SS18: variants seen among roughly 807,000 people sequenced by gnomAD.
The protein encoded by SS18 is SS18 subunit of BAF chromatin remodeling complex, also known as protein SSXT.
Under a neutral mutation model 72.5 loss-of-function variants are expected in SS18, and 28 were observed. The ratio of observed to expected loss-of-function variants is 0.39; its 90% CI spans 0.29 to 0.53. The LOEUF is 0.53. SS18 is among the 20% of genes least tolerant of loss of function. The pLI, the probability that SS18 is intolerant of heterozygous loss-of-function variation, is 0.76. For missense variants in SS18, 518 were observed against 535.3 expected (o/e 0.97, Z 0.32); for synonymous variants, 172 against 164.2 (o/e 1.05, Z -0.37).
chr18:26,090,715 A>C, upstream of SS18: 2 of 814,286 alleles, frequency 2.5e-6, no homozygotes, highest in South Asian at 1.7e-5. Flanking sequence ...GCGGCGGGGC[A>C]GGCCTGAAGG....
At chr18:26,063,981 G>A (rs937578659) in intron 3 of SS18, among the ~76,000 whole-genome samples, 1 of 151,988 alleles carries the variant, frequency 6.6e-6, no homozygotes, top group Non-Finnish European at 1.5e-5. Context: ...GGAAAATAAG[G>A]GGATATTAAT....
At chr18:26,083,224 T>C (rs1471030121) in intron 2 of SS18, among the ~76,000 whole-genome samples, 6 of 152,050 alleles carry the variant, frequency 3.9e-5, no homozygotes, top group Admixed American at 3.9e-4. Flanking sequence ...GAAAATGAGA[T>C]CTAATCCAAT....
chr18:26,051,378 T>A (rs562495746), intron 5 of SS18, among the ~76,000 whole-genome samples: 1 of 152,368 alleles, frequency 6.6e-6, no homozygotes, highest in South Asian at 2.1e-4. Flanking sequence ...AAAAAGTCAA[T>A]ATGCACATTG....
At chr18:26,031,840 T>C (rs1159737901) in intron 10 of SS18, among the ~76,000 whole-genome samples, 1 of 152,092 alleles carries the variant, frequency 6.6e-6, no homozygotes, top group Non-Finnish European at 1.5e-5. Context: ...GAAGGAAGTG[T>C]AGTGGATATG....
intron 1 of SS18, among the ~76,000 whole-genome samples, chr18:26,088,181 C>A (rs2054649795): frequency 6.6e-6 from 1 of 152,158 alleles, no homozygotes; most frequent in Non-Finnish European, 1.5e-5. Context: ...AATCTGAATT[C>A]TTTTATATCA....
intron 2 of SS18, among the ~76,000 whole-genome samples, chr18:26,080,118 T>C (rs948673246): frequency 6.6e-6 from 1 of 152,184 alleles, no homozygotes; most frequent in South Asian, 2.1e-4. Context: ...GTAATAATTA[T>C]ATTGTACTAA....
Position 26,090,591 on chromosome 18 carries a change from G to C in SS18, c.-22C>G, listed in dbSNP as rs371904036. On this transcript the variant is annotated 5_prime_UTR_variant, in exon 1 of 11. Transcript: ENST00000415083. The stretch of plus-strand genomic sequence containing the variant: ...ACATGTTGCCGCCGTCACCACTATC[G>C]GCAAGTCCCGAGCGCTCCGGGTGAA... 2.2e-5 allele frequency: 34 copies of C among 1,564,246 alleles called. No individual in the cohort carries two copies. The highest frequency in any genetic ancestry group is 2.6e-5 in the Non-Finnish European group (30 of 1,155,180).
intron 7 of SS18, among the ~76,000 whole-genome samples, chr18:26,036,404 T>A (rs764154684): frequency 1.3e-5 from 2 of 152,210 alleles, no homozygotes; most frequent in Non-Finnish European, 2.9e-5. Flanking sequence ...ATTTTCAAGT[T>A]CTAACATTTA....
chr18:26,064,035 A>G (rs2054171127), intron 3 of SS18, among the ~76,000 whole-genome samples: 1 of 152,118 alleles, frequency 6.6e-6, no homozygotes, highest in Non-Finnish European at 1.5e-5. Context: ...CAACTTTATG[A>G]TAATGTATTT....
chr18:26,022,109 T>G (rs1240797163), intron 10 of SS18, among the ~76,000 whole-genome samples: 1 of 152,168 alleles, frequency 6.6e-6, no homozygotes, highest in Non-Finnish European at 1.5e-5. Context: ...ATCTTAACAT[T>G]ATTCCTTCAC....
At chr18:26,051,371 A>G (rs72878228) in intron 5 of SS18, among the ~76,000 whole-genome samples, 13,156 of 152,248 alleles carry the variant, frequency 0.086, 678 homozygotes, top group Middle Eastern at 0.17. Context: ...TTTCTCCAAA[A>G]AGTCAATATG....
intron 10 of SS18, among the ~76,000 whole-genome samples, chr18:26,018,883 C>G (rs1272742746): frequency 6.6e-6 from 1 of 152,032 alleles, no homozygotes; most frequent in Non-Finnish European, 1.5e-5. Context: ...CTATCCATAC[C>G]AAAATAATTG....
intron 5 of SS18, among the ~76,000 whole-genome samples, chr18:26,048,345 T>C (rs1568005769): frequency 1.3e-5 from 2 of 152,192 alleles, no homozygotes; most frequent in Non-Finnish European, 2.9e-5. Flanking sequence ...ACTAGACACA[T>C]CTATCAAAAG....
intron 5 of SS18, 97 bp from the exon 6 acceptor site, chr18:26,039,553 T>A: frequency 1.8e-6 from 2 of 1,127,166 alleles, no homozygotes. Flanking sequence ...GTCCCAAAAA[T>A]ATATAATTAA....
intron 3 of SS18, among the ~76,000 whole-genome samples, chr18:26,066,487 T>G (rs1048662799): frequency 6.6e-6 from 1 of 152,092 alleles, no homozygotes; most frequent in Admixed American, 6.6e-5. Context: ...ATCTTTCCAG[T>G]TGCCCTTCTG....
chr18:26,064,543 G>GA (rs56865965), intron 3 of SS18, among the ~76,000 whole-genome samples: 29,339 of 151,906 alleles, frequency 0.19, 5,833 homozygotes, highest in African/African-American at 0.5. Context: ...AACAGATAAA[G>GA]AAAAGAATTT....
chr18:26,019,567 T>C (rs1251896400), intron 10 of SS18, among the ~76,000 whole-genome samples: 2 of 152,004 alleles, frequency 1.3e-5, no homozygotes, highest in African/African-American at 4.8e-5. Context: ...TCCCAGCACT[T>C]TGGGAGGCCA....
intron 3 of SS18, among the ~76,000 whole-genome samples, chr18:26,075,118 G>C (rs898098446): frequency 6.6e-6 from 1 of 151,908 alleles, no homozygotes; most frequent in Non-Finnish European, 1.5e-5. Context: ...TTCAGATTCA[G>C]ATGGCTTTTC....
rs1281408522 is a variant in SS18, at chr18:26,090,589, T to G, written c.-20A>C. The G allele has an allele frequency of 6.4e-6, 10 of 1,567,146 alleles. No homozygotes were observed. The highest frequency in any genetic ancestry group is 8.6e-6 in the Non-Finnish European group (10 of 1,156,630). On this transcript the variant is annotated 5_prime_UTR_variant, in exon 1 of 11. Transcript: ENST00000415083. ...AGACATGTTGCCGCCGTCACCACTA[T>G]CGGCAAGTCCCGAGCGCTCCGGGTG... is the stretch of plus-strand genomic sequence containing the variant.
Sources: gnomAD v4.1 joint callset for allele counts (sites outside exome capture counted in the v4.1 genomes callset) on GRCh38, gnomAD v4.1.1 for gene constraint, MANE v1.5 for transcripts, NCBI Gene and HGNC (gene_info 2026-07-23, HGNC 2026-07-21) for gene names.